DPP6: variants seen among roughly 807,000 people sequenced by gnomAD.
DPP6 encodes the protein dipeptidyl peptidase like 6, also known as A-type potassium channel modulatory protein DPP6.
DPP6 carries 69 observed loss-of-function variants against 122.6 expected under a neutral mutation model. The ratio of observed to expected loss-of-function variants is 0.56; its 90% CI spans 0.46 to 0.69. The LOEUF is 0.69. DPP6 is among the 30% of genes least tolerant of loss of function. The pLI is 0.00. For synonymous variants in DPP6, 418 were observed against 433.1 expected, an observed-to-expected ratio of 0.97 and a Z score of 0.43; for missense variants, 928 against 1,116.9, an observed-to-expected ratio of 0.83 and a Z score of 2.41.
At chr7:154,130,040 G>C (rs1396513801) in intron 1 of DPP6, among the ~76,000 whole-genome samples, 1 of 151,780 alleles carries the variant, frequency 6.6e-6, no homozygotes, top group Non-Finnish European at 1.5e-5. Context: ...AGTGAGCCGA[G>C]ATCGCGCCAT....
At chr7:154,628,746 A>G (rs575149913) in intron 5 of DPP6, among the ~76,000 whole-genome samples, 41 of 152,280 alleles carry the variant, frequency 2.7e-4, no homozygotes, top group Non-Finnish European at 1.3e-4. Context: ...TAGCCCTTCC[A>G]CAAAGCGAGT....
intron 13 of DPP6, among the ~76,000 whole-genome samples, chr7:154,802,596 C>A (rs1426608111): frequency 3.3e-5 from 5 of 152,248 alleles, no homozygotes; most frequent in African/African-American, 9.6e-5. Flanking sequence ...CGGTGGCTCA[C>A]GCCTGTAATC....
intron 1 of DPP6, among the ~76,000 whole-genome samples, chr7:153,977,298 G>A (rs935236010): frequency 4.6e-5 from 7 of 152,118 alleles, no homozygotes; most frequent in Non-Finnish European, 1.0e-4. Flanking sequence ...GCCGCTGGAA[G>A]TATAGTCCCA....
At chr7:154,260,714 T>G (rs902559814) in intron 1 of DPP6, among the ~76,000 whole-genome samples, 8 of 147,818 alleles carry the variant, frequency 5.4e-5, no homozygotes, top group African/African-American at 2.0e-4. Context: ...ATATATATTA[T>G]GTATATATAA....
intron 6 of DPP6, among the ~76,000 whole-genome samples, chr7:154,645,734 A>C (rs1836421231): frequency 6.6e-6 from 1 of 152,128 alleles, no homozygotes; most frequent in Admixed American, 6.5e-5. Context: ...GGTTCATAGA[A>C]AATACTGAGG....
the DPP6 span, among the ~76,000 whole-genome samples, chr7:153,871,107 G>A: frequency 2.0e-5 from 3 of 152,170 alleles, no homozygotes; most frequent in African/African-American, 4.8e-5. Flanking sequence ...AGGAACCCAC[G>A]TGAGGAGGCA....
chr7:154,491,618 C>A (rs1824286993), intron 3 of DPP6, among the ~76,000 whole-genome samples: 1 of 152,110 alleles, frequency 6.6e-6, no homozygotes, highest in South Asian at 2.1e-4. Context: ...AAAAGAAGAA[C>A]AAAAGCTCCA....
the DPP6 span, among the ~76,000 whole-genome samples, chr7:153,816,906 T>C: frequency 1.3e-5 from 2 of 152,050 alleles, no homozygotes; most frequent in Non-Finnish European, 1.5e-5. Context: ...GCTGAGAACA[T>C]AGCCTCAATC....
In DPP6 at chr7:154,256,977, C is replaced by A. The variant is rs1211536898; in HGVS notation, c.244-189237C>A. On this transcript the variant is annotated intron_variant, in intron 1 of 25. Transcript: ENST00000377770. ...GAAATACCCCCTTGGGTTCTTTTTT[C>A]TTTTTCTTTTTCTTCTTCTTCTTTT... Among the ~76,000 whole-genome samples the A allele has an allele frequency of 1.2e-4, 17 of 145,052 alleles. No homozygotes were observed. In the Admixed American group the frequency reaches 1.2e-3, roughly 10 times the overall value.
upstream of DPP6, among the ~76,000 whole-genome samples, chr7:154,049,304 T>TTGTGTGTGTGTG (rs66669803): frequency 8.2e-6 from 1 of 121,902 alleles, no homozygotes; most frequent in Non-Finnish European, 1.7e-5. Flanking sequence ...TTTTCCTTGT[T>TTGTGTGTGTGTG]TGTGTGTGTG....
chr7:154,394,693 GTCTTT>G (rs934032207), intron 1 of DPP6, among the ~76,000 whole-genome samples: 2 of 152,026 alleles, frequency 1.3e-5, no homozygotes, highest in African/African-American at 4.8e-5. Flanking sequence ...GTTTTGCCCT[GTCTTT>G]TCTTTTAAGA....
At chr7:154,384,823 T>G (rs1813944812) in intron 1 of DPP6, among the ~76,000 whole-genome samples, 1 of 151,158 alleles carries the variant, frequency 6.6e-6, no homozygotes, top group African/African-American at 2.4e-5. Context: ...TGAGTGTTCA[T>G]CAGTAGTGGA....
chr7:153,896,644 A>AC (rs1285907862), intron 1 of DPP6, among the ~76,000 whole-genome samples: 1 of 152,134 alleles, frequency 6.6e-6, no homozygotes, highest in Non-Finnish European at 1.5e-5. Flanking sequence ...CTACAAAAAA[A>AC]TTTTTAAAAA....
At chr7:154,090,281 C>T (rs1362289905) in intron 1 of DPP6, among the ~76,000 whole-genome samples, 3 of 152,084 alleles carry the variant, frequency 2.0e-5, no homozygotes, top group Admixed American at 6.6e-5. Context: ...TGCTATCCCC[C>T]GACCTGCAAA....
chr7:154,178,030 G>A (rs2150741224), intron 1 of DPP6, among the ~76,000 whole-genome samples: 1 of 152,248 alleles, frequency 6.6e-6, no homozygotes, highest in Non-Finnish European at 1.5e-5. Flanking sequence ...TCACTGAGTG[G>A]TTTCACTCCT....
intron 1 of DPP6, among the ~76,000 whole-genome samples, chr7:154,089,014 G>A (rs1345779902): frequency 6.6e-6 from 1 of 152,090 alleles, no homozygotes; most frequent in African/African-American, 2.4e-5. Flanking sequence ...GTCCAGCCCA[G>A]AAGTCACAGA....
At chr7:154,844,771 A>C (rs1313461989) in intron 16 of DPP6, among the ~76,000 whole-genome samples, 1 of 152,354 alleles carries the variant, frequency 6.6e-6, no homozygotes, top group Non-Finnish European at 1.5e-5. Flanking sequence ...AACAGATACA[A>C]AATTATACAG....
At chr7:154,777,987 T>C (rs1796690400) in intron 10 of DPP6, among the ~76,000 whole-genome samples, 1 of 152,238 alleles carries the variant, frequency 6.6e-6, no homozygotes, top group Non-Finnish European at 1.5e-5. Context: ...GGTCGGTCCA[T>C]GCAGGCCTCT....
chr7:154,546,288 G>T (rs1255660422), intron 4 of DPP6, among the ~76,000 whole-genome samples: 1 of 152,002 alleles, frequency 6.6e-6, no homozygotes, highest in East Asian at 1.9e-4. Context: ...CTTGTTGGGT[G>T]GTGAGATTTT....
Sources: allele counts gnomAD v4.1 joint callset (sites outside exome capture counted in the v4.1 genomes callset), GRCh38; gene constraint gnomAD v4.1.1; transcripts MANE v1.5; gene names NCBI Gene and HGNC (gene_info 2026-07-23, HGNC 2026-07-21).